Variants in SHANK1 observed in about 807,000 individuals in gnomAD.
SHANK1 encodes SH3 and multiple ankyrin repeat domains 1.
A neutral mutation model predicts 165.6 loss-of-function variants in SHANK1; 35 were observed. That is an observed-to-expected ratio of 0.21 (90% CI 0.16 to 0.28). The LOEUF is 0.28. SHANK1 is among the 10% of genes least tolerant of loss of function. SHANK1 has a pLI of 1.00. For synonymous variants in SHANK1, 1,428 were observed against 1,384.8 expected (o/e 1.03, Z -0.69); for missense variants, 2,681 against 3,036.4 (o/e 0.88, Z 2.75).
At chr19:50,704,066 T>G in intron 10 of SHANK1, 54 bp downstream of exon 10, 1 of 1,574,472 alleles carries the variant, frequency 6.4e-7, no homozygotes, top group Non-Finnish European at 8.7e-7. Flanking sequence ...CATCCCACCA[T>G]GAAACCTCAA....
intron 18 of SHANK1, 113 bp downstream of exon 18, chr19:50,687,810 G>A: frequency 6.9e-7 from 1 of 1,445,872 alleles, no homozygotes; most frequent in Non-Finnish European, 9.4e-7. Context: ...AAGGGTCACG[G>A]AGAAGCAGTG....
chr19:50,708,141 T>TG (rs1187147196), intron 8 of SHANK1, among the ~76,000 whole-genome samples: 2 of 151,824 alleles, frequency 1.3e-5, no homozygotes, highest in East Asian at 3.9e-4. Context: ...GAGACAGGGT[T>TG]TCACCATCTT....
In SHANK1 at chr19:50,698,688, G is replaced by C. The variant is rs73932566; in HGVS notation, c.1748-732C>G. 6.9e-3 allele frequency among the ~76,000 whole-genome samples: 1,054 copies of C among 152,322 alleles called. 14 individuals carry two copies. Among genetic ancestry groups the C allele is most frequent in the African/African-American group, 0.025 (1,022 of 41,564 alleles). On this transcript the variant is annotated intron_variant, in intron 12 of 23. Coordinates refer to ENST00000293441, the MANE Select transcript of SHANK1 (RefSeq NM_016148.5). ...TTTCATTATCCCCCTTTTACTGATA[G>C]GAACACTGAGGCTTGGAGAGCCAAG...
rs2089108416 is a variant in SHANK1, at chr19:50,719,390, T to G, written c.-44+16A>C. ...CCCGCAGCTGCCCCAAACCCCCAGG[T>G]TCTCGACCCCCTTACCTGCCTGGCG... On this transcript the variant is annotated intron_variant, in intron 1 of 23. Coordinates refer to ENST00000293441, the MANE Select transcript of SHANK1 (RefSeq NM_016148.5). The G allele has an allele frequency of 7.2e-6, 1 of 138,508 alleles. No individual in the cohort carries two copies. The highest frequency in any genetic ancestry group is 1.6e-5 in the Non-Finnish European group (1 of 63,726). 8.6% of individuals were successfully genotyped at this position (138,508 alleles called of 1,614,324 possible). A position where few individuals can be genotyped will look rare whatever the true frequency, so the allele number is the denominator to read the frequency against.
At position 50,671,711 on chromosome 19, in the gene SHANK1, C is replaced by T. The variant is rs746186377; in HGVS notation, c.2674+307G>A. Among the ~76,000 whole-genome samples, 33 of 151,934 alleles carry T rather than the reference C, an allele frequency of 2.2e-4. 1 individual carries two copies. The highest frequency in any genetic ancestry group is 4.1e-4 in the African/African-American group (17 of 41,348). ...TGTAAAATGAATGAATGGATGGAAT[C>T]GGGTATAAGAGAAACAACCAGAAAG... is the stretch of plus-strand genomic sequence containing the variant. On this transcript the variant is annotated intron_variant, in intron 22 of 23. Coordinates refer to ENST00000293441, the MANE Select transcript of SHANK1 (RefSeq NM_016148.5).
At position 50,719,698 on chromosome 19, in the gene SHANK1, C is replaced by A. The variant is rs991858448; in HGVS notation, c.-336G>T. On this transcript the variant is annotated 5_prime_UTR_variant, in exon 1 of 24. Coordinates refer to ENST00000293441, the MANE Select transcript of SHANK1 (RefSeq NM_016148.5). ...TCGGTCCGGCCGGCTCCGGGCGCCG[C>A]GTCTCCGCCTGCTCTTCCTCCTCCT... Among the ~76,000 whole-genome samples, 1 of 149,924 alleles carries A rather than the reference C, an allele frequency of 6.7e-6. No individual in the cohort carries two copies. The highest frequency in any genetic ancestry group is 1.5e-5 in the Non-Finnish European group (1 of 66,962).
At chr19:50,692,633 A>G (rs1489933876) in intron 15 of SHANK1, among the ~76,000 whole-genome samples, 1 of 151,428 alleles carries the variant, frequency 6.6e-6, no homozygotes, top group Non-Finnish European at 1.5e-5. Context: ...GCTAGGACAT[A>G]CGTGGTGTTG....
intron 8 of SHANK1, among the ~76,000 whole-genome samples, chr19:50,706,931 CCAT>C (rs1435053076): frequency 6.6e-6 from 1 of 152,162 alleles, no homozygotes; most frequent in Non-Finnish European, 1.5e-5. Context: ...GCACCCACCA[CCAT>C]GTCTGGCTAA....
In SHANK1 at chr19:50,697,020, C is replaced by T; in HGVS notation, c.1964+76G>A. 1 of 1,224,470 alleles carries T rather than the reference C, an allele frequency of 8.2e-7. No individual in the cohort carries two copies. The highest frequency in any genetic ancestry group is 1.2e-6 in the Non-Finnish European group (1 of 828,220). The allele number at this position is 1,224,470 out of a possible 1,614,324, so 75.9% of individuals were successfully genotyped here. A position where few individuals can be genotyped will look rare whatever the true frequency, so the allele number is the denominator to read the frequency against. On this transcript the variant is annotated intron_variant, in intron 15 of 23. Coordinates refer to ENST00000293441, the MANE Select transcript of SHANK1 (RefSeq NM_016148.5). The surrounding 1 kb of genome is among the most constrained non-coding windows in gnomAD (Gnocchi z 4.7). ...AAGAAACCTCAGCTCTGGTCGTGCACACACGTTCACACGCCCCCCAGGCAC... is the reference window on the plus strand; with the variant it reads ...AAGAAACCTCAGCTCTGGTCGTGCATACACGTTCACACGCCCCCCAGGCAC...
rs35496340 is a variant in SHANK1 at position 50,674,095 on chromosome 19, ATT to A, written c.2578-1983_2578-1982del. 2.3e-3 allele frequency among the ~76,000 whole-genome samples: 324 copies of A among 143,778 alleles called. 3 individuals carry two copies. Among genetic ancestry groups the A allele is most frequent in the African/African-American group, 7.7e-3 (298 of 38,844 alleles). The allele number at this position is 143,778 out of a possible 152,430, so 94.3% of individuals were successfully genotyped here. ...CAGGCATGAGCCACCGTGTTGGCCT[ATT>A]TTTTTTTTTTTTAATGCAGAAGGGC... On this transcript the variant is annotated intron_variant, in intron 21 of 23. Coordinates refer to ENST00000293441, the MANE Select transcript of SHANK1 (RefSeq NM_016148.5).
chr19:50,673,717 A>C (rs60050412), intron 21 of SHANK1, among the ~76,000 whole-genome samples: 19,068 of 151,942 alleles, frequency 0.13, 2,839 homozygotes, highest in African/African-American at 0.36. Context: ...AAGTGTTTTC[A>C]TTTCTTTTCA....
In SHANK1 at chr19:50,669,253, G is replaced by A. The variant is rs1261947444; in HGVS notation, c.2707C>T (p.Pro903Ser). Residue 903 changes from proline (P) to serine (S), a missense_variant, in exon 23 of 24, where the codon CCC becomes TCC. This residue lies in a region of SHANK1 where 206 missense variants were observed against 216.0 expected (regional missense o/e 0.95). Coordinates refer to ENST00000293441, the MANE Select transcript of SHANK1 (RefSeq NM_016148.5). ...CTGCGGCTGAATTTCATGGCTGGGG[G>A]TGCTAGGTAAGGTCTGTCATCTTCT... ...AAEDDRPYLA[P>S]PAMKFSRSLS... 1 of 1,611,758 alleles carries A rather than the reference G, an allele frequency of 6.2e-7. No individual in the cohort carries two copies. The highest frequency in any genetic ancestry group is 8.5e-7 in the Non-Finnish European group (1 of 1,179,022).
Position 50,668,236 on chromosome 19 carries a change from T to C in SHANK1, c.3724A>G (p.Arg1242Gly). ...FGAALVGAAR[R>G]EGGWQNEARR... Reference sequence around the variant, plus strand: ...GCCTCATTCTGCCAGCCCCCCTCCCTCCGGGCCGCCCCCACCAGGGCGGCC... The same window carrying C: ...GCCTCATTCTGCCAGCCCCCCTCCCCCCGGGCCGCCCCCACCAGGGCGGCC... The change falls in exon 23 of 24, where the codon AGG (arginine) becomes GGG (glycine). Residue 1242 changes from arginine to glycine, a missense_variant. Transcript: ENST00000293441. 1 of 1,456,854 alleles carries C rather than the reference T, an allele frequency of 6.9e-7. No individual in the cohort carries two copies. Among genetic ancestry groups the C allele is most frequent in the Non-Finnish European group, 9.0e-7 (1 of 1,117,028 alleles). The allele number at this position is 1,456,854 out of a possible 1,614,324, so 90.2% of individuals were successfully genotyped here. A position where few individuals can be genotyped will look rare whatever the true frequency, so the allele number is the denominator to read the frequency against.
intron 4 of SHANK1, among the ~76,000 whole-genome samples, chr19:50,714,691 A>AG (rs72018901): frequency 3.2e-5 from 1 of 31,718 alleles, no homozygotes; most frequent in Non-Finnish European, 5.3e-5. Flanking sequence ...ACCCCGTCTC[A>AG]AAAAAAAAAA....
chr19:50,704,203 G>A lies in SHANK1; in HGVS notation c.1156-17C>T. Reference sequence around the variant, plus strand: ...CACTGCCACCTGGAGGGAGGGGGTAGAGGCAGGTCGGCCAGGGGGGCCCAG... The same window carrying A: ...CACTGCCACCTGGAGGGAGGGGGTAAAGGCAGGTCGGCCAGGGGGGCCCAG... On this transcript the variant is annotated splice_polypyrimidine_tract_variant and intron_variant, in intron 9 of 23. Transcript: ENST00000293441. 1 of 1,613,580 alleles carries A rather than the reference G, an allele frequency of 6.2e-7. No individual in the cohort carries two copies. Among genetic ancestry groups the A allele is most frequent in the Non-Finnish European group, 8.5e-7 (1 of 1,179,762 alleles).
Position 50,660,024 on chromosome 19 carries a change from G to A in SHANK1, c.*1941C>T, listed in dbSNP as rs546334503. 2.0e-4 allele frequency among the ~76,000 whole-genome samples: 30 copies of A among 150,758 alleles called. No individual in the cohort carries two copies. The South Asian group carries it at 6.1e-3, about 31-fold the overall frequency. On this transcript the variant is annotated 3_prime_UTR_variant, in exon 24 of 24. Transcript: ENST00000293441. ...GGGGCTTGCAGCCCCCTCCCCTCAT[G>A]GACGGAGCGCCCCCCCCTCTCGGGG...
Position 50,665,844 on chromosome 19 carries a change from A to G in SHANK1, c.5768+348T>C, listed in dbSNP as rs1159440011. Among the ~76,000 whole-genome samples, 3 of 150,016 alleles carry G rather than the reference A, an allele frequency of 2.0e-5. No individual in the cohort carries two copies. In the South Asian group the frequency reaches 6.4e-4, roughly 32 times the overall value. On this transcript the variant is annotated intron_variant, in intron 23 of 23. Coordinates refer to ENST00000293441, the MANE Select transcript of SHANK1 (RefSeq NM_016148.5). ...AGGTTGGGAGTTCGAGACCAGCCTG[A>G]CCAACATGGAGAAACCCCATCTCTA...
At chr19:50,707,560 CTT>C (rs1339970046) in intron 8 of SHANK1, among the ~76,000 whole-genome samples, 3 of 109,788 alleles carry the variant, frequency 2.7e-5, no homozygotes, top group East Asian at 4.4e-4. Flanking sequence ...TGGCCTTCTT[CTT>C]CCTTTTTTTT....
In SHANK1 at chr19:50,688,794, T is replaced by C; in HGVS notation, c.2172+50A>G. The C allele has an allele frequency of 2.5e-6, 4 of 1,573,180 alleles. No homozygotes were observed. The highest frequency in any genetic ancestry group is 3.5e-6 in the Non-Finnish European group (4 of 1,155,482). On this transcript the variant is annotated intron_variant, in intron 17 of 23. Coordinates refer to ENST00000293441, the MANE Select transcript of SHANK1 (RefSeq NM_016148.5). This position sits in a 1 kb window ranked among gnomAD's most constrained non-coding sequence, Gnocchi z 6.7. ...GATCCTGGTGTGAATCATGAGGGGG[T>C]CTGGGAACTTGTCACAGGGTCCCAG...
Sources: gnomAD v4.1 joint callset for allele counts (sites outside exome capture counted in the v4.1 genomes callset) on GRCh38, gnomAD v4.1.1 for gene constraint, gnomAD v4.1.1 regional missense constraint, Gnocchi (gnomAD v3.1) non-coding constraint, MANE v1.5 for transcripts, NCBI Gene and HGNC (gene_info 2026-07-23, HGNC 2026-07-21) for gene names.